Variants in GABBR2 observed in about 807,000 individuals in gnomAD.
GABBR2 encodes the protein G-protein coupled receptor 51.
In GABBR2, 23 loss-of-function variants were observed where a neutral mutation model predicts 105.6. That is an observed-to-expected ratio of 0.22 (90% CI 0.16 to 0.31). GABBR2 has a LOEUF of 0.31. GABBR2 is among the 10% of genes least tolerant of loss of function. The probability of loss-of-function intolerance (pLI) is 1.00; values close to 1 mark genes in which losing one functional copy is unlikely to be tolerated. For synonymous variants in GABBR2, 478 were observed against 499.7 expected (o/e 0.96, Z 0.58); for missense variants, 734 against 1,245.5 (o/e 0.59, Z 6.18).
At chr9:98,631,521 C>T (rs149886838) in intron 1 of GABBR2, among the ~76,000 whole-genome samples, 2 of 152,316 alleles carry the variant, frequency 1.3e-5, no homozygotes, top group Admixed American at 6.5e-5. Flanking sequence ...ACAGAGCTTA[C>T]ATTCTGAAAG....
intron 3 of GABBR2, among the ~76,000 whole-genome samples, chr9:98,527,159 T>C (rs1173324117): frequency 6.7e-6 from 1 of 150,334 alleles, no homozygotes; most frequent in Non-Finnish European, 1.5e-5. Context: ...CTTTGGACAC[T>C]GTTCTAAGCC....
At position 98,708,463 on chromosome 9, in the gene GABBR2, G is replaced by A; in HGVS notation, c.275C>T (p.Ser92Leu). 1 of 1,576,926 alleles carries A rather than the reference G, an allele frequency of 6.3e-7. No homozygotes were observed. The highest frequency in any genetic ancestry group is 8.6e-7 in the Non-Finnish European group (1 of 1,159,928). Residue 92 changes from serine (S) to leucine (L), a missense_variant, in exon 1 of 19, where the codon TCA becomes TTA. Physicochemically the swap from Ser to Leu is moderately radical, Grantham distance 145 (BLOSUM62 -2). Around this residue, in one of 7 missense-constraint regions of GABBR2, gnomAD observed 370 missense variants for 648.9 expected, o/e 0.57. Transcript: ENST00000259455. Reference sequence around the variant, plus strand: ...GTCGAGGAAGTAGGGGCGCAGGAGTGACTCGTTGCGGATCTGCTCGATGGC... The same window carrying A: ...GTCGAGGAAGTAGGGGCGCAGGAGTAACTCGTTGCGGATCTGCTCGATGGC... ...ELAIEQIRNE[S>L]LLRPYFLDLR...
chr9:98,696,934 A>G (rs1049123323), intron 1 of GABBR2, among the ~76,000 whole-genome samples: 1 of 152,154 alleles, frequency 6.6e-6, no homozygotes, highest in Non-Finnish European at 1.5e-5. Context: ...GTGGGGTTGA[A>G]TCCGAGGGAG....
At chr9:98,294,173 A>T (rs1830345597) in intron 17 of GABBR2, among the ~76,000 whole-genome samples, 1 of 152,190 alleles carries the variant, frequency 6.6e-6, no homozygotes. Flanking sequence ...AAAGGGGAAA[A>T]TCAAGTCGAC....
intron 8 of GABBR2, among the ~76,000 whole-genome samples, chr9:98,405,549 G>A (rs1049982290): frequency 6.6e-6 from 1 of 152,120 alleles, no homozygotes; most frequent in African/African-American, 2.4e-5. Flanking sequence ...AATAGGCCAG[G>A]GAAGCACAGT....
intron 6 of GABBR2, among the ~76,000 whole-genome samples, chr9:98,465,115 A>C (rs1481162956): frequency 5.8e-5 from 8 of 137,922 alleles, no homozygotes; most frequent in Non-Finnish European, 1.3e-4. Context: ...AATGATCAAT[A>C]AATACTAAAA....
intron 5 of GABBR2, among the ~76,000 whole-genome samples, chr9:98,474,960 G>T (rs184268372): frequency 6.6e-6 from 1 of 152,068 alleles, no homozygotes; most frequent in African/African-American, 2.4e-5. Flanking sequence ...TGAGTTAAAA[G>T]ATTTGTTCCT....
chr9:98,315,143 C>T (rs939693337), intron 13 of GABBR2, among the ~76,000 whole-genome samples: 4 of 152,116 alleles, frequency 2.6e-5, no homozygotes, highest in Admixed American at 6.6e-5. Context: ...TCTGACCTCT[C>T]GGAATCTTGA....
chr9:98,403,807 T>C (rs1490290823), intron 8 of GABBR2, among the ~76,000 whole-genome samples: 1 of 150,790 alleles, frequency 6.6e-6, no homozygotes, highest in Non-Finnish European at 1.5e-5. Context: ...TAGTTAAATA[T>C]ACACATACTT....
At chr9:98,406,774 TA>T (rs1394777824) in intron 7 of GABBR2, among the ~76,000 whole-genome samples, 4 of 152,232 alleles carry the variant, frequency 2.6e-5, no homozygotes, top group Non-Finnish European at 5.9e-5. Context: ...CCTTGGGGGC[TA>T]AACATAGCGT....
intron 12 of GABBR2, among the ~76,000 whole-genome samples, chr9:98,365,476 T>C (rs1331739868): frequency 6.6e-6 from 1 of 152,244 alleles, no homozygotes; most frequent in Non-Finnish European, 1.5e-5. Flanking sequence ...GGGAAGATGC[T>C]GAGAATCAGA....
At chr9:98,381,771 G>A (rs1042880282) in intron 11 of GABBR2, among the ~76,000 whole-genome samples, 4 of 152,114 alleles carry the variant, frequency 2.6e-5, no homozygotes, top group South Asian at 2.1e-4. Flanking sequence ...TTTCAGAGCC[G>A]ATGCTGATTT....
chr9:98,600,926 A>G (rs1337198223), intron 1 of GABBR2, among the ~76,000 whole-genome samples: 4 of 152,184 alleles, frequency 2.6e-5, no homozygotes, highest in Non-Finnish European at 4.4e-5. Flanking sequence ...TGAAAAGCTT[A>G]TCATGTCCCT....
At chr9:98,576,408 T>C (rs1216774128) in intron 2 of GABBR2, among the ~76,000 whole-genome samples, 1 of 152,140 alleles carries the variant, frequency 6.6e-6, no homozygotes, top group African/African-American at 2.4e-5. Context: ...ACCCTTTGGG[T>C]CTCAGCTTGA....
intron 13 of GABBR2, among the ~76,000 whole-genome samples, chr9:98,315,380 C>A (rs1358326174): frequency 1.3e-5 from 2 of 152,192 alleles, no homozygotes; most frequent in Non-Finnish European, 2.9e-5. Flanking sequence ...CATCCTCATG[C>A]AGCCCCATCT....
At chr9:98,503,531 G>C (rs1048960363) in intron 3 of GABBR2, among the ~76,000 whole-genome samples, 2 of 152,160 alleles carry the variant, frequency 1.3e-5, no homozygotes, top group South Asian at 4.1e-4. Flanking sequence ...CTCCAGCAAT[G>C]GTCCGGGAGA....
rs543023235 is a variant in GABBR2, at chr9:98,524,502, C to T, written c.630+17371G>A. On this transcript the variant is annotated intron_variant, in intron 3 of 18. Transcript: ENST00000259455. ...TTATCCAATAGCCTATTCAACCTCT[C>T]CATCTGGATATTCAACAGGCGTATC... is the stretch of plus-strand genomic sequence containing the variant. 6.6e-5 allele frequency among the ~76,000 whole-genome samples: 10 copies of T among 152,324 alleles called. No homozygotes were observed. The South Asian group carries it at 1.7e-3, about 25-fold the overall frequency.
At chr9:98,654,641 C>A (rs1216395817) in intron 1 of GABBR2, among the ~76,000 whole-genome samples, 1 of 152,124 alleles carries the variant, frequency 6.6e-6, no homozygotes, top group Non-Finnish European at 1.5e-5. Flanking sequence ...GACATCAGAG[C>A]TGAATTCAGA....
At chr9:98,405,785 A>T (rs550877821) in intron 8 of GABBR2, among the ~76,000 whole-genome samples, 2 of 152,354 alleles carry the variant, frequency 1.3e-5, no homozygotes, top group East Asian at 3.9e-4. Context: ...AAAAGTCTGT[A>T]TGTATTTGGT....
Sources: allele counts gnomAD v4.1 joint callset (sites outside exome capture counted in the v4.1 genomes callset), GRCh38; gene constraint gnomAD v4.1.1; regional missense constraint gnomAD v4.1.1; transcripts MANE v1.5; gene names NCBI Gene and HGNC (gene_info 2026-07-23, HGNC 2026-07-21).